The following TENM3 variants were observed in gnomAD, a reference collection of about 807,000 sequenced individuals.
The protein encoded by TENM3 is teneurin transmembrane protein 3, also known as teneurin-3.
TENM3 carries 63 observed loss-of-function variants against 255.1 expected under a neutral mutation model. The ratio of observed to expected loss-of-function variants is 0.25; its 90% confidence interval spans 0.20 to 0.30. The LOEUF (loss-of-function observed/expected upper bound fraction) is 0.30. Ranked by LOEUF, TENM3 falls within the 10% of genes least tolerant of loss-of-function variation. TENM3 has a pLI of 1.00. For missense variants in TENM3, 2,929 were observed against 3,461.1 expected, an observed-to-expected ratio of 0.85 and a Z score of 3.86; for synonymous variants, 1,306 against 1,322.3, an observed-to-expected ratio of 0.99 and a Z score of 0.27.
chr4:182,650,210 T>C (rs1753133691), intron 5 of TENM3, among the ~76,000 whole-genome samples: 1 of 150,232 alleles, frequency 6.7e-6, no homozygotes. Context: ...ACAAGGACCA[T>C]GTCTGTGGCC....
At chr4:181,654,548 G>A in the TENM3 span, among the ~76,000 whole-genome samples, 28 of 152,078 alleles carry the variant, frequency 1.8e-4, 1 homozygote, top group Non-Finnish European at 1.5e-5. Context: ...GAGGTCAGGA[G>A]TTCAAGACCA....
At chr4:182,713,553 A>T (rs1758916967) in intron 12 of TENM3, among the ~76,000 whole-genome samples, 1 of 152,226 alleles carries the variant, frequency 6.6e-6, no homozygotes, top group African/African-American at 2.4e-5. Context: ...ACATGAATGT[A>T]CGGCAACTCC....
chr4:182,170,130 CTG>C (rs771817435), intron 1 of TENM3, among the ~76,000 whole-genome samples: 2 of 151,296 alleles, frequency 1.3e-5, no homozygotes, highest in African/African-American at 2.4e-5. Context: ...GCTAAGGATT[CTG>C]TGTTTCATAT....
At chr4:181,772,703 C>A in the TENM3 span, among the ~76,000 whole-genome samples, 1 of 152,196 alleles carries the variant, frequency 6.6e-6, no homozygotes, top group Non-Finnish European at 1.5e-5. Context: ...TAGACAGTAT[C>A]TTCAAGAATA....
At chr4:182,069,157 A>T in the TENM3 span, among the ~76,000 whole-genome samples, 1 of 152,350 alleles carries the variant, frequency 6.6e-6, no homozygotes, top group East Asian at 1.9e-4. Flanking sequence ...AGTAATAAGC[A>T]AAGTAAAAAC....
chr4:181,642,253 C>T, the TENM3 span, among the ~76,000 whole-genome samples: 1 of 151,816 alleles, frequency 6.6e-6, no homozygotes, highest in African/African-American at 2.4e-5. Context: ...ATGTTTGTTG[C>T]CTGCATAAAT....
the TENM3 span, among the ~76,000 whole-genome samples, chr4:181,731,969 A>G: frequency 3.3e-5 from 5 of 152,346 alleles, no homozygotes; most frequent in African/African-American, 1.2e-4. Context: ...GCCAGGCTGT[A>G]TTTTATTTAA....
At chr4:181,605,683 TAA>T in the TENM3 span, among the ~76,000 whole-genome samples, 1 of 152,118 alleles carries the variant, frequency 6.6e-6, no homozygotes, top group South Asian at 2.1e-4. Flanking sequence ...TTCTTAAGCA[TAA>T]GAGAAAGCAT....
At chr4:182,052,768 T>C in the TENM3 span, among the ~76,000 whole-genome samples, 15 of 152,166 alleles carry the variant, frequency 9.9e-5, no homozygotes, top group South Asian at 2.1e-4. Context: ...CAGGAGTGCA[T>C]TGGGAGTAAA....
intron 22 of TENM3, among the ~76,000 whole-genome samples, chr4:182,760,904 T>G (rs1001289346): frequency 6.6e-6 from 1 of 152,170 alleles, no homozygotes; most frequent in Non-Finnish European, 1.5e-5. Flanking sequence ...GTGCTACGCC[T>G]AAGCCTATTT....
chr4:182,707,893 TG>T (rs1312259174), intron 12 of TENM3: 1 of 152,224 alleles, frequency 6.6e-6, no homozygotes, highest in Non-Finnish European at 1.5e-5. Context: ...GTAGAAGCCA[TG>T]TAAAAGAAGG....
chr4:182,093,020 T>G, the TENM3 span, among the ~76,000 whole-genome samples: 1 of 152,142 alleles, frequency 6.6e-6, no homozygotes, highest in East Asian at 1.9e-4. Context: ...TTTTCTCATG[T>G]CCACCTCACC....
chr4:182,284,676 G>A (rs375407784), intron 1 of TENM3, among the ~76,000 whole-genome samples: 1 of 152,084 alleles, frequency 6.6e-6, no homozygotes, highest in African/African-American at 2.4e-5. Context: ...GACTGGTGTC[G>A]CGTTGGAAAA....
intron 3 of TENM3, among the ~76,000 whole-genome samples, chr4:182,433,559 A>T (rs1771819765): frequency 6.6e-6 from 1 of 152,210 alleles, no homozygotes. Context: ...AGAGGGCAGA[A>T]AAAGGGTAGG....
chr4:182,305,309 T>C (rs1160386734), intron 1 of TENM3, among the ~76,000 whole-genome samples: 1 of 152,206 alleles, frequency 6.6e-6, no homozygotes, highest in Non-Finnish European at 1.5e-5. Flanking sequence ...TTATCAATAC[T>C]GTAAGGTGCT....
At chr4:182,183,608 A>T (rs551724307) in intron 1 of TENM3, among the ~76,000 whole-genome samples, 1 of 152,150 alleles carries the variant, frequency 6.6e-6, no homozygotes, top group Non-Finnish European at 1.5e-5. Context: ...AGTTTAACAT[A>T]CTGAGAGACC....
At chr4:182,515,611 G>T (rs1046420495) in intron 3 of TENM3, among the ~76,000 whole-genome samples, 18 of 152,064 alleles carry the variant, frequency 1.2e-4, no homozygotes, top group African/African-American at 4.1e-4. Context: ...ATATTTCTTA[G>T]GTGTAAATTA....
the TENM3 span, among the ~76,000 whole-genome samples, chr4:181,692,233 A>G: frequency 6.6e-6 from 1 of 152,232 alleles, no homozygotes; most frequent in Non-Finnish European, 1.5e-5. Flanking sequence ...TGGCTCAAGT[A>G]AAGATATTCC....
chr4:182,217,146 G>A (rs1221582882), intron 1 of TENM3, among the ~76,000 whole-genome samples: 4 of 147,778 alleles, frequency 2.7e-5, no homozygotes, highest in Non-Finnish European at 4.5e-5. Flanking sequence ...TCAGCCTCCC[G>A]AGCAGCTGGG....
Sources: allele counts gnomAD v4.1 joint callset (sites outside exome capture counted in the v4.1 genomes callset), GRCh38; gene constraint gnomAD v4.1.1; transcripts MANE v1.5; gene names NCBI Gene and HGNC (gene_info 2026-07-23, HGNC 2026-07-21).